The following EXOC6B variants were observed in gnomAD, a reference collection of about 807,000 sequenced individuals.
EXOC6B encodes SEC15 homolog B.
A neutral mutation model predicts 113.5 loss-of-function variants in EXOC6B; 54 were observed. The observed-to-expected ratio is 0.48, with a 90% CI of 0.38 to 0.60. The LOEUF (loss-of-function observed/expected upper bound fraction) is 0.60, where lower values mean the gene tolerates loss of function less well. EXOC6B is among the 20% of genes least tolerant of loss of function. EXOC6B has a pLI of 0.00. For missense variants in EXOC6B, 797 were observed against 977.5 expected (o/e 0.82, Z 2.46); for synonymous variants, 357 against 339.0 (o/e 1.05, Z -0.58).
chr2:72,496,144 A>C (rs1179260468), intron 14 of EXOC6B, among the ~76,000 whole-genome samples: 2 of 152,194 alleles, frequency 1.3e-5, no homozygotes, highest in Non-Finnish European at 2.9e-5. Flanking sequence ...TTTAATAAAA[A>C]CAAGTATTTC....
At chr2:72,442,359 C>T (rs181402653) in intron 18 of EXOC6B, among the ~76,000 whole-genome samples, 30 of 152,178 alleles carry the variant, frequency 2.0e-4, no homozygotes, top group Non-Finnish European at 3.5e-4. Flanking sequence ...CAAGGATGCC[C>T]TCTCTCAAGA....
intron 20 of EXOC6B, among the ~76,000 whole-genome samples, chr2:72,325,721 G>A (rs1408823972): frequency 6.6e-6 from 1 of 151,812 alleles, no homozygotes; most frequent in African/African-American, 2.4e-5. Context: ...TTGTCCTCTT[G>A]GGACTTGACA....
intron 6 of EXOC6B, among the ~76,000 whole-genome samples, chr2:72,647,683 G>A (rs1032456937): frequency 5.3e-5 from 8 of 152,158 alleles, no homozygotes; most frequent in South Asian, 2.1e-4. Context: ...ATGGGGAAAC[G>A]ATTCCCTATT....
At chr2:72,514,253 G>A (rs1378280729) in intron 10 of EXOC6B, among the ~76,000 whole-genome samples, 1 of 151,984 alleles carries the variant, frequency 6.6e-6, no homozygotes. Flanking sequence ...GGCCTACTAA[G>A]CCTAAAATAT....
intron 7 of EXOC6B, among the ~76,000 whole-genome samples, chr2:72,568,356 A>C (rs1213337526): frequency 6.6e-6 from 1 of 152,090 alleles, no homozygotes; most frequent in East Asian, 1.9e-4. Context: ...GTTGTATATT[A>C]AGTGGCAGTG....
chr2:72,550,552 T>A (rs964285416), intron 8 of EXOC6B, among the ~76,000 whole-genome samples: 3 of 152,198 alleles, frequency 2.0e-5, no homozygotes, highest in Admixed American at 6.5e-5. Context: ...TGCCATATAA[T>A]CAATGCCTTA....
intron 20 of EXOC6B, among the ~76,000 whole-genome samples, chr2:72,188,394 C>T (rs1423417362): frequency 6.6e-6 from 1 of 152,214 alleles, no homozygotes; most frequent in Non-Finnish European, 1.5e-5. Flanking sequence ...TTAAGTTCAA[C>T]CACCATGAGC....
At position 72,434,835 on chromosome 2, in the gene EXOC6B, G is replaced by A. The variant is rs531817579; in HGVS notation, c.1980+30325C>T. On this transcript the variant is annotated intron_variant, in intron 18 of 21. Coordinates refer to ENST00000272427, the MANE Select transcript of EXOC6B (RefSeq NM_015189.3). ...GTCTGGCTAGCAGTTTATCTATTTT[G>A]TTAATCTTTTCAAAAAACCAGCTCT... 8.6e-5 allele frequency among the ~76,000 whole-genome samples: 13 copies of A among 151,928 alleles called. No homozygotes were observed. The South Asian group carries it at 2.5e-3, about 29-fold the overall frequency.
In EXOC6B at chr2:72,515,057, G is replaced by A; in HGVS notation, c.985C>T (p.Pro329Ser). Residue 329 changes from proline (P) to serine (S), a missense_variant, in exon 9 of 22, where the codon CCT becomes TCT. Transcript: ENST00000272427. ...GGTAATCCTACCATGTTAGATGGAGGTTGAAGTACCAAACGAGCCTGTTTT... is the reference window on the plus strand; with the variant it reads ...GGTAATCCTACCATGTTAGATGGAGATTGAAGTACCAAACGAGCCTGTTTT... ...RRKQARLVLQ[P>S]PSNMHETLDG... 1.2e-6 allele frequency: 2 copies of A among 1,605,838 alleles called. No homozygotes were observed. Among genetic ancestry groups the A allele is most frequent in the Non-Finnish European group, 1.7e-6 (2 of 1,176,142 alleles).
chr2:72,370,648 T>C (rs1417230775), intron 19 of EXOC6B, among the ~76,000 whole-genome samples: 2 of 152,132 alleles, frequency 1.3e-5, no homozygotes, highest in African/African-American at 2.4e-5. Context: ...TCAAGAAAAG[T>C]TGGCACATAT....
intron 6 of EXOC6B, among the ~76,000 whole-genome samples, chr2:72,616,119 C>T (rs145842708): frequency 6.6e-6 from 1 of 151,964 alleles, no homozygotes; most frequent in East Asian, 1.9e-4. Flanking sequence ...AACTAGAAGA[C>T]ACCAATGAAA....
chr2:72,470,642 G>T (rs1410646806), intron 17 of EXOC6B, among the ~76,000 whole-genome samples: 1 of 99,644 alleles, frequency 1.0e-5, no homozygotes, highest in African/African-American at 4.0e-5. Context: ...AACAGGCCCC[G>T]GTGTGTGATG....
intron 6 of EXOC6B, among the ~76,000 whole-genome samples, chr2:72,632,804 C>T (rs1419416708): frequency 6.6e-6 from 1 of 152,098 alleles, no homozygotes; most frequent in Non-Finnish European, 1.5e-5. Context: ...ACCTCAGCCT[C>T]CCAAATAGCT....
chr2:72,287,954 T>A (rs1685546934), intron 20 of EXOC6B, among the ~76,000 whole-genome samples: 1 of 152,308 alleles, frequency 6.6e-6, no homozygotes, highest in African/African-American at 2.4e-5. Flanking sequence ...ATTAGACTTG[T>A]ATAACTTTGA....
chr2:72,816,706 G>T (rs1414003570), intron 1 of EXOC6B, among the ~76,000 whole-genome samples: 1 of 152,142 alleles, frequency 6.6e-6, no homozygotes, highest in African/African-American at 2.4e-5. Context: ...TTACATATTT[G>T]ATCTGATGAT....
intron 5 of EXOC6B, among the ~76,000 whole-genome samples, chr2:72,728,439 C>G (rs1680441023): frequency 6.6e-6 from 1 of 152,174 alleles, no homozygotes; most frequent in African/African-American, 2.4e-5. Context: ...GTACCACTGT[C>G]TGTCATAACT....
chr2:72,820,421 T>C (rs1686516725), intron 1 of EXOC6B, among the ~76,000 whole-genome samples: 1 of 152,164 alleles, frequency 6.6e-6, no homozygotes, highest in East Asian at 1.9e-4. Flanking sequence ...TTATGTTACA[T>C]AAGACTGAGT....
intron 6 of EXOC6B, among the ~76,000 whole-genome samples, chr2:72,640,637 C>T (rs564749318): frequency 1.3e-5 from 2 of 152,244 alleles, no homozygotes; most frequent in Admixed American, 1.3e-4. Context: ...AAAGGGAAGC[C>T]TATCAGACTA....
At chr2:72,318,641 C>G (rs1449566670) in intron 20 of EXOC6B, among the ~76,000 whole-genome samples, 1 of 152,158 alleles carries the variant, frequency 6.6e-6, no homozygotes, top group Non-Finnish European at 1.5e-5. Flanking sequence ...ATCCACCCAC[C>G]TCTAGTAGGT....
Sources: allele counts gnomAD v4.1 joint callset (sites outside exome capture counted in the v4.1 genomes callset), GRCh38; gene constraint gnomAD v4.1.1; transcripts MANE v1.5; gene names NCBI Gene and HGNC (gene_info 2026-07-23, HGNC 2026-07-21).